ANKRD31: variants seen among roughly 807,000 people sequenced by gnomAD.
ANKRD31 encodes ankyrin repeat domain-containing protein 31.
ANKRD31 carries 147 observed loss-of-function variants against 186.0 expected under a neutral mutation model. That is an observed-to-expected ratio of 0.79 (90% CI 0.69 to 0.91). The LOEUF (loss-of-function observed/expected upper bound fraction) is 0.91, where lower values mean the gene tolerates loss of function less well. ANKRD31 is among the 40% of genes least tolerant of loss of function. The pLI, the probability that ANKRD31 is intolerant of heterozygous loss-of-function variation, is 0.00. For missense variants in ANKRD31, 1,986 were observed against 2,148.8 expected, an observed-to-expected ratio of 0.92 and a Z score of 1.50; for synonymous variants, 673 against 736.4, an observed-to-expected ratio of 0.91 and a Z score of 1.39.
In ANKRD31 at chr5:75,145,988, T is replaced by G. The variant is rs1751401936; in HGVS notation, c.3423A>C (p.Pro1141=). The G allele has an allele frequency of 7.5e-6, 11 of 1,471,682 alleles. No individual in the cohort carries two copies. The allele number at this position is 1,471,682 out of a possible 1,614,324, so 91.2% of individuals were successfully genotyped here. ...QREKKEISHK[P]DEELTNNISG... is the part of the protein sequence containing the mutation. ...CAGATTAAGCAATATTACTAATACC[T>G]GGTTTGTGAGAAATTTCCTTCTTTT... The change falls in exon 14 of 26, where the codon CCA becomes CCC. Residue 1141 remains proline (P), a splice_region_variant and synonymous_variant. Coordinates refer to ENST00000506364, the MANE Select transcript of ANKRD31 (RefSeq NM_001372053.1).
chr5:75,119,836 T>G (rs1748608167), intron 17 of ANKRD31, among the ~76,000 whole-genome samples: 1 of 152,230 alleles, frequency 6.6e-6, no homozygotes, highest in Admixed American at 6.5e-5. Flanking sequence ...TGTACTTCTC[T>G]GATGACTAGT....
chr5:75,149,630 A>T (rs925987855), intron 12 of ANKRD31, among the ~76,000 whole-genome samples: 2 of 151,856 alleles, frequency 1.3e-5, no homozygotes, highest in African/African-American at 4.8e-5. Context: ...CAGCTGGCTG[A>T]CCTTGAGCAA....
chr5:75,224,129 T>TTTTATATA (rs1757467689), intron 2 of ANKRD31, among the ~76,000 whole-genome samples: 1 of 105,752 alleles, frequency 9.5e-6, no homozygotes, highest in Non-Finnish European at 1.9e-5. Flanking sequence ...TCAGAAATAA[T>TTTTATATA]TATATATATA....
At chr5:75,096,233 T>C (rs1580314428) in intron 22 of ANKRD31, among the ~76,000 whole-genome samples, 1 of 152,206 alleles carries the variant, frequency 6.6e-6, no homozygotes, top group Non-Finnish European at 1.5e-5. Context: ...TGGTATCTCA[T>C]TGTGGTTTTG....
chr5:75,154,831 C>T (rs1392486692), intron 11 of ANKRD31, among the ~76,000 whole-genome samples: 1 of 152,088 alleles, frequency 6.6e-6, no homozygotes, highest in East Asian at 1.9e-4. Context: ...GCTGCCGCTG[C>T]TCCTCCTCAG....
intron 3 of ANKRD31, among the ~76,000 whole-genome samples, chr5:75,217,977 C>T (rs1425919992): frequency 1.3e-5 from 2 of 152,086 alleles, no homozygotes; most frequent in Admixed American, 6.6e-5. Flanking sequence ...TGAGCATTTG[C>T]TTGTCTCAAA....
At chr5:75,077,885 T>C (rs1034608119) in intron 25 of ANKRD31, among the ~76,000 whole-genome samples, 14 of 127,548 alleles carry the variant, frequency 1.1e-4, no homozygotes, top group African/African-American at 4.4e-4. Context: ...TGAGCCGAGA[T>C]AGCGCCACTG....
intron 17 of ANKRD31, among the ~76,000 whole-genome samples, chr5:75,123,385 A>G (rs1009708546): frequency 3.3e-5 from 5 of 152,148 alleles, no homozygotes. Flanking sequence ...TACAGATTCA[A>G]TGCAATTCCT....
chr5:75,206,489 TA>T lies in ANKRD31; in HGVS notation c.327-3del. Reference sequence around the variant, plus strand: ...AACATTGAACAGTTTTTTCTAGTCCTAAAAAATCAATTAATAAAAATAAATT... The same window carrying T: ...AACATTGAACAGTTTTTTCTAGTCCTAAAAATCAATTAATAAAAATAAATT... On this transcript the variant is annotated splice_polypyrimidine_tract_variant and splice_region_variant and intron_variant, in intron 4 of 25. Transcript: ENST00000506364. The T allele has an allele frequency of 1.4e-6, 2 of 1,412,758 alleles. No homozygotes were observed. The highest frequency in any genetic ancestry group is 1.8e-6 in the Non-Finnish European group (2 of 1,086,108). The allele number at this position is 1,412,758 out of a possible 1,614,324, so 87.5% of individuals were successfully genotyped here.
rs187206160 is a variant in ANKRD31 at position 75,071,071 on chromosome 5, G to A, written c.5648-2407C>T. 7.0e-4 allele frequency among the ~76,000 whole-genome samples: 106 copies of A among 152,196 alleles called. 1 individual carries two copies. The Middle Eastern group carries it at 0.01, about 15-fold the overall frequency. On this transcript the variant is annotated intron_variant, in intron 25 of 25. Coordinates refer to ENST00000506364, the MANE Select transcript of ANKRD31 (RefSeq NM_001372053.1). ...GTTCACTTGTCACCTTCAGTGGAGC[G>A]TAAATGTTTCCTTAAATCTAGTGTT...
At chr5:75,086,846 T>C (rs1745525243) in intron 23 of ANKRD31, among the ~76,000 whole-genome samples, 1 of 152,120 alleles carries the variant, frequency 6.6e-6, no homozygotes, top group Admixed American at 6.5e-5. Flanking sequence ...AGGGAAAAAG[T>C]AGGGAGTGTA....
At position 75,102,733 on chromosome 5, in the gene ANKRD31, G is replaced by T. The variant is rs188540601; in HGVS notation, c.5331+1495C>A. On this transcript the variant is annotated intron_variant, in intron 22 of 25. Coordinates refer to ENST00000506364, the MANE Select transcript of ANKRD31 (RefSeq NM_001372053.1). ...TGTGGGCATGGGACCCTCCAAGCCA[G>T]GTGCAGGATATAATCTCCTGGTGTG... Among the ~76,000 whole-genome samples the T allele has an allele frequency of 5.3e-4, 81 of 152,318 alleles. No individual in the cohort carries two copies. The East Asian group carries it at 9.1e-3, about 17-fold the overall frequency.
At chr5:75,137,767 C>G in intron 17 of ANKRD31, 89 bp downstream of exon 17, 1 of 1,190,550 alleles carries the variant, frequency 8.4e-7, no homozygotes, top group Non-Finnish European at 1.1e-6. Context: ...TTTACTGAAT[C>G]ATTTTAGTTC....
intron 9 of ANKRD31, 35 bp downstream of exon 9, chr5:75,192,631 TA>T: frequency 7.1e-7 from 1 of 1,415,760 alleles, no homozygotes; most frequent in Non-Finnish European, 9.5e-7. Context: ...TCTGTTTTTG[TA>T]AAAGAAATAG....
At chr5:75,187,743 G>A (rs1754833728) in intron 10 of ANKRD31, among the ~76,000 whole-genome samples, 1 of 152,108 alleles carries the variant, frequency 6.6e-6, no homozygotes, top group Non-Finnish European at 1.5e-5. Flanking sequence ...CTAAGGTAAA[G>A]TACTGGGGGT....
At chr5:75,159,100 G>A (rs1182279362) in intron 11 of ANKRD31, among the ~76,000 whole-genome samples, 6 of 151,986 alleles carry the variant, frequency 3.9e-5, no homozygotes. Flanking sequence ...AAATTCACCA[G>A]AGGCCTCAAC....
chr5:75,193,262 A>T (rs1318095057), intron 8 of ANKRD31, 49 bp downstream of exon 8: 1 of 1,500,280 alleles, frequency 6.7e-7, no homozygotes, highest in Non-Finnish European at 8.9e-7. Flanking sequence ...ATAATTATCT[A>T]TAATGTCTAT....
At chr5:75,121,277 G>A (rs1358067498) in intron 17 of ANKRD31, among the ~76,000 whole-genome samples, 1 of 151,530 alleles carries the variant, frequency 6.6e-6, no homozygotes, top group African/African-American at 2.4e-5. Flanking sequence ...AAATACATAT[G>A]TACTCAACAC....
At chr5:75,221,516 T>C (rs1292003721) in intron 3 of ANKRD31, among the ~76,000 whole-genome samples, 5 of 152,178 alleles carry the variant, frequency 3.3e-5, no homozygotes, top group African/African-American at 4.8e-5. Flanking sequence ...AAAATCATAA[T>C]TATTACATCC....
Sources: allele counts gnomAD v4.1 joint callset (sites outside exome capture counted in the v4.1 genomes callset), GRCh38; gene constraint gnomAD v4.1.1; transcripts MANE v1.5; gene names NCBI Gene and HGNC (gene_info 2026-07-23, HGNC 2026-07-21).